PPP2CB: variants seen among roughly 807,000 people sequenced by gnomAD.
The protein encoded by PPP2CB is protein phosphatase 2 catalytic subunit beta.
In PPP2CB, 18 loss-of-function variants were observed where a neutral mutation model predicts 39.1. The observed-to-expected ratio is 0.46, with a 90% CI of 0.32 to 0.68. The LOEUF is 0.68. PPP2CB is among the 30% of genes least tolerant of loss of function. PPP2CB has a pLI of 0.04. For synonymous variants in PPP2CB, 129 were observed against 133.8 expected, an observed-to-expected ratio of 0.96 and a Z score of 0.25; for missense variants, 226 against 396.9, an observed-to-expected ratio of 0.57 and a Z score of 3.66.
chr8:30,805,572 A>C (rs7839078), intron 1 of PPP2CB, among the ~76,000 whole-genome samples: 38,594 of 151,986 alleles, frequency 0.25, 6,717 homozygotes, highest in African/African-American at 0.49. Context: ...AAAAAAACAA[A>C]AAAAAAGAGA....
chr8:30,805,185 TTC>T (rs1310106769), intron 1 of PPP2CB, among the ~76,000 whole-genome samples: 2 of 152,218 alleles, frequency 1.3e-5, no homozygotes, highest in Non-Finnish European at 2.9e-5. Context: ...ACTGAACCAA[TTC>T]TGAGCTCTCA....
intron 5 of PPP2CB, among the ~76,000 whole-genome samples, chr8:30,792,634 T>A (rs918706922): frequency 2.7e-5 from 4 of 150,372 alleles, no homozygotes; most frequent in African/African-American, 4.9e-5. Flanking sequence ...TTTTTTTTTT[T>A]ATATAGAGAT....
chr8:30,810,496 T>C (rs1295051567), intron 1 of PPP2CB, among the ~76,000 whole-genome samples: 1 of 152,176 alleles, frequency 6.6e-6, no homozygotes, highest in Non-Finnish European at 1.5e-5. Flanking sequence ...GAAAAACTGA[T>C]TCAACTAACA....
At chr8:30,808,167 C>T (rs1041458630) in intron 1 of PPP2CB, among the ~76,000 whole-genome samples, 5 of 152,092 alleles carry the variant, frequency 3.3e-5, no homozygotes, top group Non-Finnish European at 5.9e-5. Flanking sequence ...GTGGCGATCT[C>T]GGCTCACTGC....
At chr8:30,797,848 C>T in intron 2 of PPP2CB, 94 bp from the exon 3 acceptor site, 3 of 1,224,538 alleles carry the variant, frequency 2.4e-6, no homozygotes, top group Non-Finnish European at 3.4e-6. Flanking sequence ...AAACACGGCG[C>T]TTTTGGCCAC....
chr8:30,795,192 C>T (rs1260386079), intron 3 of PPP2CB, among the ~76,000 whole-genome samples: 7 of 150,948 alleles, frequency 4.6e-5, no homozygotes, highest in East Asian at 3.9e-4. Context: ...CTCGGCTCAC[C>T]GCAACCTCCG....
intron 1 of PPP2CB, among the ~76,000 whole-genome samples, chr8:30,805,285 C>T (rs367686938): frequency 3.3e-5 from 5 of 152,304 alleles, no homozygotes; most frequent in African/African-American, 1.2e-4. Flanking sequence ...TTGAGCTGGG[C>T]GCAGTGGCTC....
chr8:30,812,438 T>C lies in PPP2CB; in HGVS notation c.-17A>G, dbSNP rs1385733015. 7 of 1,506,942 alleles carry C rather than the reference T, an allele frequency of 4.6e-6. No homozygotes were observed. Among genetic ancestry groups the C allele is most frequent in the Non-Finnish European group, 6.2e-6 (7 of 1,124,314 alleles). The allele number at this position is 1,506,942 out of a possible 1,614,324, so 93.3% of individuals were successfully genotyped here. ...GTCGTCCATGGCGGCCCGATCCCGA[T>C]GCGGATCCCGAGCCCCAGCCCGGCC... On this transcript the variant is annotated 5_prime_UTR_variant, in exon 1 of 7. Coordinates refer to ENST00000221138, the MANE Select transcript of PPP2CB (RefSeq NM_001009552.2).
chr8:30,808,139 C>T lies in PPP2CB; in HGVS notation c.102+4181G>A, dbSNP rs374289419. On this transcript the variant is annotated intron_variant, in intron 1 of 6. Transcript: ENST00000221138. ...TTTTGGAGACAGAGTCTCACTCTGT[C>T]GCCCAGGCTGGAATGCAGTGGCGAT... Among the ~76,000 whole-genome samples, 7 of 152,194 alleles carry T rather than the reference C, an allele frequency of 4.6e-5. No individual in the cohort carries two copies. In the South Asian group the frequency reaches 8.3e-4, roughly 18 times the overall value.
intron 6 of PPP2CB, among the ~76,000 whole-genome samples, chr8:30,786,749 C>T (rs527270208): frequency 2.5e-4 from 38 of 150,506 alleles, no homozygotes; most frequent in Admixed American, 1.9e-3. Context: ...TTGCAAGCTC[C>T]GCCTCCTGGG....
rs183806727 is a variant in PPP2CB, at chr8:30,800,036, C to A, written c.103-281G>T. Reference sequence around the variant, plus strand: ...GTCTGGCAGTTCCTCCAAAGTTAAACCTAAAATTACCATGTAATCCAGCAG... The same window carrying A: ...GTCTGGCAGTTCCTCCAAAGTTAAAACTAAAATTACCATGTAATCCAGCAG... On this transcript the variant is annotated intron_variant, in intron 1 of 6. Coordinates refer to ENST00000221138, the MANE Select transcript of PPP2CB (RefSeq NM_001009552.2). Among the ~76,000 whole-genome samples the A allele has an allele frequency of 9.2e-5, 14 of 152,276 alleles. No homozygotes were observed. The East Asian group carries it at 2.1e-3, about 23-fold the overall frequency.
chr8:30,812,275 C>A (rs1186505937), intron 1 of PPP2CB, 45 bp downstream of exon 1: 7 of 1,390,112 alleles, frequency 5.0e-6, no homozygotes, highest in African/African-American at 4.5e-5. Context: ...AGCGGCGGCC[C>A]GTCCCAGCCC....
intron 6 of PPP2CB, chr8:30,786,617 T>G: frequency 6.3e-6 from 1 of 158,062 alleles, no homozygotes; most frequent in Non-Finnish European, 1.4e-5. Context: ...TTTAAATAAT[T>G]AAACAATAAT....
At chr8:30,800,013 C>G (rs553231759) in intron 1 of PPP2CB, among the ~76,000 whole-genome samples, 65 of 152,308 alleles carry the variant, frequency 4.3e-4, no homozygotes, top group Admixed American at 7.9e-4. Context: ...GGAAAACTGT[C>G]TGGCAGTTCC....
intron 1 of PPP2CB, among the ~76,000 whole-genome samples, chr8:30,800,116 T>C (rs1181518960): frequency 6.6e-6 from 1 of 152,234 alleles, no homozygotes; most frequent in African/African-American, 2.4e-5. Flanking sequence ...TACATGTTCA[T>C]GGCAGCATTA....
intron 5 of PPP2CB, among the ~76,000 whole-genome samples, chr8:30,792,188 G>A (rs1276157318): frequency 6.6e-6 from 1 of 151,238 alleles, no homozygotes; most frequent in Admixed American, 6.6e-5. Context: ...CCGAGTAGTT[G>A]GGACTACAGG....
intron 1 of PPP2CB, among the ~76,000 whole-genome samples, chr8:30,810,837 C>T (rs1054255579): frequency 6.6e-6 from 1 of 152,192 alleles, no homozygotes; most frequent in Non-Finnish European, 1.5e-5. Flanking sequence ...AACTTAACAC[C>T]ATCTATTAGT....
rs944454035 is a variant in PPP2CB, at chr8:30,812,256, G to C, written c.102+64C>G. The C allele has an allele frequency of 5.3e-5, 67 of 1,271,444 alleles. No individual in the cohort carries two copies. In the African/African-American group the frequency reaches 9.5e-4, roughly 18 times the overall value. The allele number at this position is 1,271,444 out of a possible 1,614,324, so 78.8% of individuals were successfully genotyped here. ...GGCCAGGGGCGGACGGGACCGGGGCGGGCAGGAAAGCGGCGGCCCGTCCCA... is the reference window on the plus strand; with the variant it reads ...GGCCAGGGGCGGACGGGACCGGGGCCGGCAGGAAAGCGGCGGCCCGTCCCA... On this transcript the variant is annotated intron_variant, in intron 1 of 6. Transcript: ENST00000221138.
chr8:30,800,353 A>G (rs747375230), intron 1 of PPP2CB, among the ~76,000 whole-genome samples: 4 of 152,234 alleles, frequency 2.6e-5, no homozygotes, highest in Non-Finnish European at 4.4e-5. Flanking sequence ...TTCAAGGCAG[A>G]AGGTCTGTGT....
Sources: allele counts gnomAD v4.1 joint callset (sites outside exome capture counted in the v4.1 genomes callset), GRCh38; gene constraint gnomAD v4.1.1; transcripts MANE v1.5; gene names NCBI Gene and HGNC (gene_info 2026-07-23, HGNC 2026-07-21).